Variants in SLC1A1 observed in about 807,000 individuals in gnomAD.
The protein encoded by SLC1A1 is excitatory amino acid transporter 3.
Under a neutral mutation model 53.3 loss-of-function variants are expected in SLC1A1, and 43 were observed. The ratio of observed to expected loss-of-function variants is 0.81; its 90% CI spans 0.63 to 1.04. The LOEUF (loss-of-function observed/expected upper bound fraction) is 1.04. Among genes scored for constraint, SLC1A1 ranks in the 50% least tolerant of loss-of-function variants. The pLI, the probability that SLC1A1 is intolerant of heterozygous loss-of-function variation, is 0.00. For missense variants in SLC1A1, 748 were observed against 664.9 expected (o/e 1.12, Z -1.37); for synonymous variants, 307 against 243.2 (o/e 1.26, Z -2.44).
At chr9:4,501,495 G>C (rs533542957) in intron 1 of SLC1A1, among the ~76,000 whole-genome samples, 7 of 151,688 alleles carry the variant, frequency 4.6e-5, no homozygotes, top group South Asian at 2.1e-4. Flanking sequence ...GCCAGGTACG[G>C]TGCTCACGCC....
intron 6 of SLC1A1, among the ~76,000 whole-genome samples, chr9:4,570,604 C>T (rs975767373): frequency 6.6e-6 from 1 of 152,090 alleles, no homozygotes; most frequent in African/African-American, 2.4e-5. Context: ...CTCCTAACAT[C>T]AGGTGATCCA....
intron 1 of SLC1A1, among the ~76,000 whole-genome samples, chr9:4,516,598 A>G (rs10814998): frequency 0.38 from 57,305 of 151,930 alleles, 11,223 homozygotes; most frequent in African/African-American, 0.49. Flanking sequence ...CATGGGCTTC[A>G]CTTTCCTGCC....
At chr9:4,511,081 G>A (rs898177147) in intron 1 of SLC1A1, among the ~76,000 whole-genome samples, 14 of 152,284 alleles carry the variant, frequency 9.2e-5, no homozygotes, top group East Asian at 1.9e-4. Flanking sequence ...CCAGGAAGTC[G>A]TTTAGTTATT....
rs1252779401 is a variant in SLC1A1, at chr9:4,549,331, C to T, written c.232+4624C>T. On this transcript the variant is annotated intron_variant, in intron 2 of 11. Coordinates refer to ENST00000262352, the MANE Select transcript of SLC1A1 (RefSeq NM_004170.6). The surrounding 1 kb of genome is among the most constrained non-coding windows in gnomAD (Gnocchi z 4.1). ...CACTACCCCGGTGACCTAAGGAGTT[C>T]CGCTCTTTGCTCCTCCATCCTAAGA... Among the ~76,000 whole-genome samples the T allele has an allele frequency of 3.9e-5, 6 of 152,118 alleles. No individual in the cohort carries two copies. In the East Asian group the frequency reaches 1.2e-3, roughly 29 times the overall value.
intron 1 of SLC1A1, among the ~76,000 whole-genome samples, chr9:4,522,580 C>T (rs766103495): frequency 7.2e-5 from 11 of 152,042 alleles, no homozygotes; most frequent in Admixed American, 2.6e-4. Context: ...AAAGAAATAC[C>T]GGAGACTGGG....
chr9:4,576,555 T>C lies in SLC1A1; in HGVS notation c.999-14T>C. On this transcript the variant is annotated splice_polypyrimidine_tract_variant and intron_variant, in intron 9 of 11. Coordinates refer to ENST00000262352, the MANE Select transcript of SLC1A1 (RefSeq NM_004170.6). ...ATTTCTAGACATAAGTTCCTTTCTA[T>C]TTTTATCACACAGTTCAGCAACACT... 1.2e-6 allele frequency: 2 copies of C among 1,611,952 alleles called. No homozygotes were observed. Among genetic ancestry groups the C allele is most frequent in the Non-Finnish European group, 1.7e-6 (2 of 1,177,966 alleles).
At chr9:4,520,753 T>C (rs1816041744) in intron 1 of SLC1A1, among the ~76,000 whole-genome samples, 1 of 152,244 alleles carries the variant, frequency 6.6e-6, no homozygotes, top group South Asian at 2.1e-4. Flanking sequence ...TGTAAGGACA[T>C]GTTTTCAATT....
At position 4,583,878 on chromosome 9, in the gene SLC1A1, T is replaced by TCA. The variant is rs1489831395; in HGVS notation, c.1328+707_1328+708insAC. On this transcript the variant is annotated intron_variant, in intron 11 of 11. Coordinates refer to ENST00000262352, the MANE Select transcript of SLC1A1 (RefSeq NM_004170.6). The surrounding 1 kb of genome is among the most constrained non-coding windows in gnomAD (Gnocchi z 4.6). Reference sequence around the variant, plus strand: ...TTCTCTCTCTCTCTCTCTCTCTCTCTCTCTCACACACACACACACACACAC... The same window carrying TCA: ...TTCTCTCTCTCTCTCTCTCTCTCTCTCACTCTCACACACACACACACACACAC... Among the ~76,000 whole-genome samples, 11 of 132,310 alleles carry TCA rather than the reference T, an allele frequency of 8.3e-5. No homozygotes were observed. The highest frequency in any genetic ancestry group is 3.7e-4 in the African/African-American group (11 of 29,476). 86.8% of individuals were successfully genotyped at this position (132,310 alleles called of 152,430 possible). A position where few individuals can be genotyped will look rare whatever the true frequency, so the allele number is the denominator to read the frequency against.
chr9:4,572,984 T>C (rs528412711), intron 7 of SLC1A1, among the ~76,000 whole-genome samples: 334 of 152,332 alleles, frequency 2.2e-3, no homozygotes, highest in Non-Finnish European at 3.4e-3. Flanking sequence ...GTGTAAGAAG[T>C]AATTCTTTAA....
At chr9:4,580,651 G>GTGTATA (rs370378540) in intron 10 of SLC1A1, among the ~76,000 whole-genome samples, 6 of 118,844 alleles carry the variant, frequency 5.0e-5, no homozygotes, top group Admixed American at 9.8e-5. Context: ...GTGTGTGTGT[G>GTGTATA]TATAAGGAAT....
chr9:4,539,608 G>A (rs1443648320), intron 1 of SLC1A1, among the ~76,000 whole-genome samples: 1 of 151,408 alleles, frequency 6.6e-6, no homozygotes, highest in Non-Finnish European at 1.5e-5. Flanking sequence ...ATCTCACTCT[G>A]TCATCTAGGC....
At chr9:4,559,871 C>G (rs369488089) in intron 2 of SLC1A1, 1 of 152,208 alleles carries the variant, frequency 6.6e-6, no homozygotes, top group African/African-American at 2.4e-5. Flanking sequence ...CCATTCCCCA[C>G]GTCCAAGTCC....
chr9:4,518,782 G>A (rs1815956306), intron 1 of SLC1A1, among the ~76,000 whole-genome samples: 3 of 152,152 alleles, frequency 2.0e-5, no homozygotes, highest in African/African-American at 7.2e-5. Flanking sequence ...TGAGGGGAGA[G>A]GCACAAGTGA....
At chr9:4,537,341 T>C (rs1423122920) in intron 1 of SLC1A1, among the ~76,000 whole-genome samples, 1 of 106,404 alleles carries the variant, frequency 9.4e-6, no homozygotes, top group African/African-American at 3.5e-5. Context: ...GGGTGGATCA[T>C]GAGGTCAGGA....
chr9:4,517,965 C>T (rs1358053497), intron 1 of SLC1A1, among the ~76,000 whole-genome samples: 2 of 152,046 alleles, frequency 1.3e-5, no homozygotes, highest in African/African-American at 4.8e-5. Context: ...CGGTGGCTCA[C>T]GCCTGTAATC....
At position 4,490,483 on chromosome 9, in the gene SLC1A1, T is replaced by C. The variant is rs1820189855; in HGVS notation, c.-197T>C. 1 of 365,228 alleles carries C rather than the reference T, an allele frequency of 2.7e-6. No homozygotes were observed. The highest frequency in any genetic ancestry group is 4.9e-5 in the Admixed American group (1 of 20,298). 22.6% of individuals were successfully genotyped at this position (365,228 alleles called of 1,614,324 possible). ...CGCCTGCCACGCAAAACTACCGGGC[T>C]GGCAGGGCGGCGGGCGCGGTGCGCG... On this transcript the variant is annotated 5_prime_UTR_variant, in exon 1 of 12. Transcript: ENST00000262352.
chr9:4,532,867 G>A (rs959059804), intron 1 of SLC1A1, among the ~76,000 whole-genome samples: 12 of 152,210 alleles, frequency 7.9e-5, no homozygotes, highest in East Asian at 3.9e-4. Context: ...CTGATCTCTC[G>A]GCAGAAACTC....
At chr9:4,490,926 C>T (rs1263916597) in intron 1 of SLC1A1, among the ~76,000 whole-genome samples, 156 bp downstream of exon 1, 1 of 152,194 alleles carries the variant, frequency 6.6e-6, no homozygotes, top group Non-Finnish European at 1.5e-5. Context: ...GGGGGCTTTC[C>T]CCCAAGCGCT....
chr9:4,529,017 C>T (rs1816371442), intron 1 of SLC1A1, among the ~76,000 whole-genome samples: 2 of 152,270 alleles, frequency 1.3e-5, no homozygotes, highest in East Asian at 1.9e-4. Flanking sequence ...TCACTTTCTT[C>T]CTCATCTCTA....
Sources: gnomAD v4.1 joint callset for allele counts (sites outside exome capture counted in the v4.1 genomes callset) on GRCh38, gnomAD v4.1.1 for gene constraint, Gnocchi (gnomAD v3.1) non-coding constraint, MANE v1.5 for transcripts, NCBI Gene and HGNC (gene_info 2026-07-23, HGNC 2026-07-21) for gene names.